The following DLGAP2 variants were observed in gnomAD, a reference collection of about 807,000 sequenced individuals.
The protein encoded by DLGAP2 is disks large-associated protein 2.
In DLGAP2, 26 loss-of-function variants were observed where a neutral mutation model predicts 100.3. The ratio of observed to expected loss-of-function variants is 0.26; its 90% CI spans 0.19 to 0.36. The LOEUF (loss-of-function observed/expected upper bound fraction) is 0.36. DLGAP2 is among the 10% of genes least tolerant of loss of function. The probability of loss-of-function intolerance (pLI) is 1.00; values close to 1 mark genes in which losing one functional copy is unlikely to be tolerated. For synonymous variants in DLGAP2, 886 were observed against 630.1 expected (o/e 1.41, Z -6.08); for missense variants, 1,858 against 1,453.2 (o/e 1.28, Z -4.53).
intron 2 of DLGAP2, among the ~76,000 whole-genome samples, chr8:982,767 T>G (rs1196880797): frequency 1.3e-5 from 2 of 152,194 alleles, no homozygotes; most frequent in Non-Finnish European, 2.9e-5. Flanking sequence ...GCAGCTGGGC[T>G]ACCTTTCGTA....
chr8:1,516,348 T>A (rs568025699), intron 4 of DLGAP2, among the ~76,000 whole-genome samples: 1 of 149,926 alleles, frequency 6.7e-6, no homozygotes, highest in African/African-American at 2.5e-5. Flanking sequence ...AATGAGTGAG[T>A]GAATAAGGGA....
Position 1,549,687 on chromosome 8 carries a change from A to G in DLGAP2, c.1230+4A>G, listed in dbSNP as rs1444661704. The G allele has an allele frequency of 1.3e-6, 2 of 1,541,482 alleles. No individual in the cohort carries two copies. Among genetic ancestry groups the G allele is most frequent in the Non-Finnish European group, 1.8e-6 (2 of 1,141,972 alleles). ...GAGGCCGTGCCACTACCTCCAGGTA[A>G]GCAGGCTCACGGCCCTGTGGAGGCC... is the stretch of plus-strand genomic sequence containing the variant. On this transcript the variant is annotated splice_donor_region_variant and intron_variant, in intron 5 of 14. Coordinates refer to ENST00000637795, the MANE Select transcript of DLGAP2 (RefSeq NM_001346810.2).
At chr8:1,646,316 G>A (rs746488618) in intron 8 of DLGAP2, among the ~76,000 whole-genome samples, 3 of 152,146 alleles carry the variant, frequency 2.0e-5, no homozygotes, top group Non-Finnish European at 2.9e-5. Context: ...CTCGGAACTC[G>A]TCAGCCTCAT....
intron 8 of DLGAP2, among the ~76,000 whole-genome samples, chr8:1,647,901 T>C (rs958332623): frequency 3.4e-4 from 52 of 152,232 alleles, no homozygotes; most frequent in African/African-American, 1.2e-3. Context: ...CGTCCTCACA[T>C]GGTGGAAAAA....
At chr8:999,516 C>T (rs1800881689) in intron 2 of DLGAP2, among the ~76,000 whole-genome samples, 1 of 148,834 alleles carries the variant, frequency 6.7e-6, no homozygotes, top group Non-Finnish European at 1.5e-5. Flanking sequence ...TGTCGGTCTG[C>T]CAGTCAGGCT....
At chr8:1,065,051 C>T (rs1803203587) in intron 2 of DLGAP2, among the ~76,000 whole-genome samples, 1 of 152,188 alleles carries the variant, frequency 6.6e-6, no homozygotes, top group African/African-American at 2.4e-5. Flanking sequence ...CTGATTCCCA[C>T]CCACCAAACA....
At chr8:1,634,139 G>T (rs1797714877) in intron 8 of DLGAP2, among the ~76,000 whole-genome samples, 1 of 152,226 alleles carries the variant, frequency 6.6e-6, no homozygotes, top group Non-Finnish European at 1.5e-5. Context: ...TGTCCTCGCT[G>T]CAAGAACTTA....
At chr8:1,054,316 G>A (rs1169773612) in intron 2 of DLGAP2, among the ~76,000 whole-genome samples, 1 of 151,948 alleles carries the variant, frequency 6.6e-6, no homozygotes, top group Non-Finnish European at 1.5e-5. Flanking sequence ...AAAGTCATTC[G>A]CAGTCATGTC....
chr8:1,146,198 C>G (rs1378799633), intron 2 of DLGAP2, among the ~76,000 whole-genome samples: 1 of 152,212 alleles, frequency 6.6e-6, no homozygotes, highest in African/African-American at 2.4e-5. Context: ...GTGACAGCAT[C>G]TTGTCATGGT....
chr8:1,456,774 G>T (rs1798325494), intron 3 of DLGAP2, among the ~76,000 whole-genome samples: 1 of 152,404 alleles, frequency 6.6e-6, no homozygotes, highest in African/African-American at 2.4e-5. Context: ...GTGCACTGGT[G>T]AAATTGGTTT....
In DLGAP2 at chr8:1,641,890, ACCTGTGTCACCCTCGACCCC is replaced by A. The variant is rs1563275267; in HGVS notation, c.1810+8845_1810+8864del. ...ATACCCCTCGAACCCGCCGGTCCTC[ACCTGTGTCACCCTCGACCCC>A]GCCGGCCCTCACCTGTGTCACCCTC... On this transcript the variant is annotated intron_variant, in intron 8 of 14. Coordinates refer to ENST00000637795, the MANE Select transcript of DLGAP2 (RefSeq NM_001346810.2). Among the ~76,000 whole-genome samples the A allele has an allele frequency of 4.0e-4, 52 of 128,792 alleles. 1 individual carries two copies. The highest frequency in any genetic ancestry group is 1.6e-3 in the African/African-American group (51 of 32,750). 84.5% of individuals were successfully genotyped at this position (128,792 alleles called of 152,430 possible). A position where few individuals can be genotyped will look rare whatever the true frequency, so the allele number is the denominator to read the frequency against.
chr8:962,273 C>G (rs184685125), intron 2 of DLGAP2, among the ~76,000 whole-genome samples: 1 of 152,120 alleles, frequency 6.6e-6, no homozygotes, highest in African/African-American at 2.4e-5. Context: ...AAACAGATGG[C>G]GAAGTAAGGA....
chr8:1,610,921 C>A (rs1326795066), intron 6 of DLGAP2, among the ~76,000 whole-genome samples: 2 of 94,182 alleles, frequency 2.1e-5, no homozygotes, highest in African/African-American at 5.4e-5. Context: ...AAAAAGAGTC[C>A]AGGACAAGAT....
chr8:1,351,768 G>C (rs1353746509), intron 3 of DLGAP2, among the ~76,000 whole-genome samples: 3 of 81,304 alleles, frequency 3.7e-5, no homozygotes, highest in Non-Finnish European at 5.2e-5. Flanking sequence ...TGTGTGGAAA[G>C]GCCGTGCGGG....
intron 2 of DLGAP2, among the ~76,000 whole-genome samples, chr8:1,249,804 T>A (rs1220653934): frequency 6.6e-6 from 1 of 152,220 alleles, no homozygotes; most frequent in Non-Finnish European, 1.5e-5. Flanking sequence ...TGCACATCCG[T>A]TAGGCAGTGA....
rs1312587740 is a variant in DLGAP2, at chr8:1,238,482, C to G, written c.74-20369C>G. 1.5e-5 allele frequency among the ~76,000 whole-genome samples: 2 copies of G among 133,582 alleles called. 1 individual carries two copies. Among genetic ancestry groups the G allele is most frequent in the Non-Finnish European group, 3.4e-5 (2 of 59,420 alleles). 87.6% of individuals were successfully genotyped at this position (133,582 alleles called of 152,430 possible). A position where few individuals can be genotyped will look rare whatever the true frequency, so the allele number is the denominator to read the frequency against. On this transcript the variant is annotated intron_variant, in intron 2 of 14. Coordinates refer to ENST00000637795, the MANE Select transcript of DLGAP2 (RefSeq NM_001346810.2). ...CTAGTTCTCTCACATGGCACCATGT[C>G]TGCTTCTCTCACATGGCGCCGTGTC... is the stretch of plus-strand genomic sequence containing the variant.
At chr8:761,217 C>T (rs1821074867) in intron 1 of DLGAP2, among the ~76,000 whole-genome samples, 1 of 152,154 alleles carries the variant, frequency 6.6e-6, no homozygotes, top group Non-Finnish European at 1.5e-5. Flanking sequence ...TGCTCCCTTC[C>T]TCTCCAGTTC....
intron 2 of DLGAP2, among the ~76,000 whole-genome samples, chr8:1,155,462 T>C (rs1796764994): frequency 6.6e-6 from 1 of 152,090 alleles, no homozygotes; most frequent in African/African-American, 2.4e-5. Context: ...TTTAGCAACC[T>C]TAGAAAATTC....
At chr8:963,852 A>G (rs1799784399) in intron 2 of DLGAP2, among the ~76,000 whole-genome samples, 1 of 152,230 alleles carries the variant, frequency 6.6e-6, no homozygotes, top group African/African-American at 2.4e-5. Flanking sequence ...CAGCGGGATG[A>G]CATTTAAAAT....
Sources: gnomAD v4.1 joint callset for allele counts (sites outside exome capture counted in the v4.1 genomes callset) on GRCh38, gnomAD v4.1.1 for gene constraint, MANE v1.5 for transcripts, NCBI Gene and HGNC (gene_info 2026-07-23, HGNC 2026-07-21) for gene names.